Variants in ASIC2 observed in about 807,000 individuals in gnomAD.
ASIC2 encodes acid-sensing ion channel 2.
A neutral mutation model predicts 57.3 loss-of-function variants in ASIC2; 25 were observed. That is an observed-to-expected ratio of 0.44 (90% CI 0.32 to 0.61). The LOEUF is 0.61. Among genes scored for constraint, ASIC2 ranks in the 20% least tolerant of loss-of-function variants. ASIC2 has a pLI of 0.06. For synonymous variants in ASIC2, 319 were observed against 307.5 expected (o/e 1.04, Z -0.39); for missense variants, 641 against 738.1 (o/e 0.87, Z 1.52).
intron 1 of ASIC2, among the ~76,000 whole-genome samples, chr17:33,811,228 G>A (rs1912410366): frequency 6.6e-6 from 1 of 152,154 alleles, no homozygotes; most frequent in South Asian, 2.1e-4. Context: ...CCTTCTCTGT[G>A]TCTATCACTT....
intron 1 of ASIC2, among the ~76,000 whole-genome samples, chr17:33,249,349 G>A (rs1157278733): frequency 6.6e-6 from 1 of 152,180 alleles, no homozygotes; most frequent in Non-Finnish European, 1.5e-5. Context: ...CCAGGGTTTG[G>A]GAGGAAAGGC....
rs569100191 is a variant in ASIC2, at chr17:33,696,846, T to A, written c.555+459132A>T. On this transcript the variant is annotated intron_variant, in intron 1 of 9. Coordinates refer to the ASIC2 transcript ENST00000359872. ...CAAATCCTAAGGAAGAGAAAATATA[T>A]TTACCATTCATTAAGTGGAAGTGGA... Among the ~76,000 whole-genome samples the A allele has an allele frequency of 4.6e-5, 7 of 152,306 alleles. No homozygotes were observed. In the East Asian group the frequency reaches 1.3e-3, roughly 29 times the overall value.
chr17:33,357,373 A>C (rs768152202), intron 1 of ASIC2, among the ~76,000 whole-genome samples: 1 of 152,212 alleles, frequency 6.6e-6, no homozygotes, highest in African/African-American at 2.4e-5. Context: ...TAGAACTGGT[A>C]ATAGAATCTA....
chr17:34,077,662 T>C (rs9892620), intron 1 of ASIC2, among the ~76,000 whole-genome samples: 27,057 of 152,072 alleles, frequency 0.18, 3,021 homozygotes, highest in African/African-American at 0.32. Flanking sequence ...AGTGAGGTGT[T>C]TGCATGTCTG....
chr17:33,255,093 G>T (rs751496093), intron 1 of ASIC2, among the ~76,000 whole-genome samples: 1 of 138,602 alleles, frequency 7.2e-6, no homozygotes, highest in South Asian at 2.3e-4. Flanking sequence ...AGGCTGGAGT[G>T]CAGTGGCACG....
intron 1 of ASIC2, among the ~76,000 whole-genome samples, chr17:33,837,988 C>T (rs1444724312): frequency 6.6e-6 from 1 of 152,310 alleles, no homozygotes; most frequent in East Asian, 1.9e-4. Context: ...ATATGGCATA[C>T]TTCCCTTTCA....
intron 1 of ASIC2, among the ~76,000 whole-genome samples, chr17:33,251,414 C>T (rs577382617): frequency 2.6e-5 from 4 of 152,148 alleles, no homozygotes; most frequent in Non-Finnish European, 5.9e-5. Context: ...ACTGCAACCT[C>T]GAACCCCTAG....
chr17:33,952,943 C>A (rs1904624306), intron 1 of ASIC2, among the ~76,000 whole-genome samples: 1 of 151,752 alleles, frequency 6.6e-6, no homozygotes, highest in Non-Finnish European at 1.5e-5. Flanking sequence ...AGAAAATAAC[C>A]CCAAATATGT....
intron 1 of ASIC2, among the ~76,000 whole-genome samples, chr17:33,643,600 T>C (rs1367513440): frequency 6.6e-6 from 1 of 151,950 alleles, no homozygotes; most frequent in African/African-American, 2.4e-5. Context: ...ATTAGGAGAG[T>C]CGAAAAGAAA....
intron 1 of ASIC2, among the ~76,000 whole-genome samples, chr17:33,912,164 T>C (rs1221899030): frequency 7.6e-6 from 1 of 131,426 alleles, no homozygotes; most frequent in African/African-American, 2.9e-5. Context: ...AAAAAAAAGC[T>C]GTGAATCACT....
At chr17:33,344,338 C>A (rs1907857814) in intron 1 of ASIC2, among the ~76,000 whole-genome samples, 1 of 152,184 alleles carries the variant, frequency 6.6e-6, no homozygotes. Flanking sequence ...AAAATGAAGA[C>A]TCTTCCTGCA....
chr17:33,055,775 C>T (rs1195853203), intron 3 of ASIC2, among the ~76,000 whole-genome samples: 2 of 152,128 alleles, frequency 1.3e-5, no homozygotes, highest in African/African-American at 4.8e-5. Context: ...CCCTTGGCCT[C>T]TCTTCACGGG....
Position 33,827,464 on chromosome 17 carries a change from TG to T in ASIC2, c.555+328513del, listed in dbSNP as rs1389621927. Among the ~76,000 whole-genome samples the T allele has an allele frequency of 2.1e-4, 32 of 150,894 alleles. No homozygotes were observed. The South Asian group carries it at 3.1e-3, about 15-fold the overall frequency. ...CTCCTGCCTCAGCCTCCCAAGTAGC[TG>T]GGACTACAGGCGCCCGCCACCATGC... On this transcript the variant is annotated intron_variant, in intron 1 of 9. Coordinates refer to the ASIC2 transcript ENST00000359872.
chr17:33,458,178 G>T (rs111965759), intron 1 of ASIC2, among the ~76,000 whole-genome samples: 2,315 of 152,218 alleles, frequency 0.015, 31 homozygotes, highest in Admixed American at 0.036. Flanking sequence ...AAGAAGCCTC[G>T]AATCTCTAGG....
At chr17:33,796,389 T>C (rs1212152896) in intron 1 of ASIC2, among the ~76,000 whole-genome samples, 5 of 152,270 alleles carry the variant, frequency 3.3e-5, no homozygotes, top group African/African-American at 1.2e-4. Flanking sequence ...TTGATAAAAA[T>C]AAGGCTAATT....
At chr17:33,387,367 T>C (rs1389339284) in intron 1 of ASIC2, among the ~76,000 whole-genome samples, 2 of 152,242 alleles carry the variant, frequency 1.3e-5, no homozygotes, top group African/African-American at 4.8e-5. Context: ...GGAGTGTTTG[T>C]TGGCTCTTTT....
At chr17:34,007,876 C>T (rs960407679) in intron 1 of ASIC2, among the ~76,000 whole-genome samples, 2 of 152,192 alleles carry the variant, frequency 1.3e-5, no homozygotes, top group African/African-American at 2.4e-5. Flanking sequence ...AGGTAAGATG[C>T]ACTAAATACC....
chr17:33,187,452 C>G (rs1357842070), intron 1 of ASIC2, among the ~76,000 whole-genome samples: 1 of 152,254 alleles, frequency 6.6e-6, no homozygotes, highest in African/African-American at 2.4e-5. Flanking sequence ...TAGGAACAAA[C>G]AAGCTTATTT....
chr17:33,236,006 T>G (rs1567794103), intron 1 of ASIC2, among the ~76,000 whole-genome samples: 1 of 152,046 alleles, frequency 6.6e-6, no homozygotes. Context: ...CCAGCTAATC[T>G]TTTTATTTTT....
Sources: allele counts gnomAD v4.1 joint callset (sites outside exome capture counted in the v4.1 genomes callset), GRCh38; gene constraint gnomAD v4.1.1; transcripts MANE v1.5; gene names NCBI Gene and HGNC (gene_info 2026-07-23, HGNC 2026-07-21).